PDZD2: variants seen among roughly 807,000 people sequenced by gnomAD.
The protein encoded by PDZD2 is PDZ domain-containing protein 2.
PDZD2 carries 90 observed loss-of-function variants against 220.7 expected under a neutral mutation model. That is an observed-to-expected ratio of 0.41 (90% CI 0.34 to 0.49). The LOEUF is 0.49. Ranked by LOEUF, PDZD2 falls within the 20% of genes least tolerant of loss-of-function variation. The pLI, the probability that PDZD2 is intolerant of heterozygous loss-of-function variation, is 0.28. For missense variants in PDZD2, 3,174 were observed against 3,608.5 expected (o/e 0.88, Z 3.08); for synonymous variants, 1,375 against 1,450.5 (o/e 0.95, Z 1.18).
chr5:31,950,355 C>G (rs188336083), intron 2 of PDZD2, among the ~76,000 whole-genome samples: 3 of 152,314 alleles, frequency 2.0e-5, no homozygotes, highest in African/African-American at 7.2e-5. Context: ...ATGAAAAGCT[C>G]TAACCAATGA....
chr5:31,750,221 A>G (rs16901517), intron 1 of PDZD2, among the ~76,000 whole-genome samples: 34,918 of 151,940 alleles, frequency 0.23, 4,404 homozygotes, highest in African/African-American at 0.32. Flanking sequence ...TCCACTTGAG[A>G]AAGTCCTCAC....
intron 2 of PDZD2, among the ~76,000 whole-genome samples, chr5:31,956,567 AATAAATAAATAAAT>A (rs1353042975): frequency 1.5e-4 from 22 of 147,526 alleles, no homozygotes; most frequent in African/African-American, 3.4e-4. Context: ...AAATAAATAA[AATAAATAAATAAAT>A]ATAAATAAAT....
chr5:31,811,704 C>T (rs561983305), intron 2 of PDZD2, among the ~76,000 whole-genome samples: 68 of 152,172 alleles, frequency 4.5e-4, no homozygotes, highest in African/African-American at 1.6e-3. Flanking sequence ...AATTTTCAAG[C>T]TCTAGCCAGG....
chr5:31,690,730 G>T, intron 1 of PDZD2, among the ~76,000 whole-genome samples: 1 of 152,138 alleles, frequency 6.6e-6, no homozygotes, highest in South Asian at 2.1e-4. Context: ...GGCCCGCCTG[G>T]ATAATCCAGG....
chr5:31,658,502 CTG>C (rs1161977593), intron 1 of PDZD2, among the ~76,000 whole-genome samples: 1 of 152,148 alleles, frequency 6.6e-6, no homozygotes, highest in African/African-American at 2.4e-5. Flanking sequence ...GTTAACCTCT[CTG>C]TGTCTGTGTT....
intron 5 of PDZD2, among the ~76,000 whole-genome samples, chr5:32,008,572 A>T (rs937460383): frequency 1.1e-4 from 17 of 152,286 alleles, no homozygotes; most frequent in African/African-American, 4.1e-4. Flanking sequence ...GGCATGAGCC[A>T]CTGCGCCCAG....
chr5:31,922,815 A>AC (rs1744393521), intron 2 of PDZD2, among the ~76,000 whole-genome samples: 1 of 151,976 alleles, frequency 6.6e-6, no homozygotes, highest in Non-Finnish European at 1.5e-5. Flanking sequence ...AGTAGCTGGG[A>AC]CCGTAGGCAT....
chr5:31,736,582 G>A (rs1348589690), intron 1 of PDZD2, among the ~76,000 whole-genome samples: 1 of 152,222 alleles, frequency 6.6e-6, no homozygotes, highest in Non-Finnish European at 1.5e-5. Context: ...ATACTGAAAA[G>A]TTTAGAGATG....
intron 2 of PDZD2, among the ~76,000 whole-genome samples, chr5:31,975,540 G>A (rs576719687): frequency 1.2e-4 from 19 of 152,190 alleles, no homozygotes; most frequent in Middle Eastern, 3.4e-3. Flanking sequence ...GGAGGGAGGC[G>A]GTGCTCAGCC....
chr5:31,674,228 G>A (rs1397219709), intron 1 of PDZD2, among the ~76,000 whole-genome samples: 1 of 152,204 alleles, frequency 6.6e-6, no homozygotes, highest in Admixed American at 6.5e-5. Context: ...AATACAGTCT[G>A]TGAAAAGACA....
rs1744870644 is a variant in PDZD2 at position 31,639,756 on chromosome 5, G to A, written c.-361+319G>A. Among the ~76,000 whole-genome samples the A allele has an allele frequency of 6.6e-6, 1 of 152,188 alleles. No individual in the cohort carries two copies. ...ACTCAAGACAGGGCCGGGACCTCCT[G>A]CTCGGGCGCGCATCCCGGGTCCCCA... On this transcript the variant is annotated intron_variant, in intron 1 of 24. Transcript: ENST00000438447. This position sits in a 1 kb window ranked among gnomAD's most constrained non-coding sequence, Gnocchi z 4.1.
chr5:32,108,086 C>G lies in PDZD2; in HGVS notation c.8471C>G (p.Pro2824Arg). Residue 2824 changes from proline to arginine, a missense_variant, in exon 25 of 25, where the codon CCA (proline) becomes CGA (arginine). Physicochemically the swap from Pro to Arg is moderately radical, Grantham distance 103. Around this residue, in one of 4 missense-constraint regions of PDZD2, gnomAD observed 631 missense variants for 789.9 expected, o/e 0.80. Coordinates refer to ENST00000438447, the MANE Select transcript of PDZD2 (RefSeq NM_178140.4). ...FDAWNIMKSVPEGPVQLLIRK... is the reference protein window; with the variant it reads ...FDAWNIMKSVREGPVQLLIRK... ...GCCTGGAATATTATGAAGTCTGTCC[C>G]AGAAGGACCTGTGCAGTTATTAATT... The G allele has an allele frequency of 6.2e-7, 1 of 1,611,704 alleles. No individual in the cohort carries two copies. Among genetic ancestry groups the G allele is most frequent in the Non-Finnish European group, 8.5e-7 (1 of 1,177,888 alleles).
At chr5:31,987,315 A>G (rs974913737) in intron 3 of PDZD2, among the ~76,000 whole-genome samples, 8 of 152,182 alleles carry the variant, frequency 5.3e-5, no homozygotes, top group African/African-American at 1.9e-4. Context: ...AGGAATCGTA[A>G]TCTACCCTGT....
chr5:31,680,834 G>A (rs1746622363), intron 1 of PDZD2, among the ~76,000 whole-genome samples: 1 of 152,138 alleles, frequency 6.6e-6, no homozygotes, highest in Admixed American at 6.5e-5. Flanking sequence ...CGGAACCTCT[G>A]CCCAGCCCAG....
chr5:31,705,736 T>C (rs1330363474), intron 1 of PDZD2, among the ~76,000 whole-genome samples: 1 of 152,084 alleles, frequency 6.6e-6, no homozygotes, highest in African/African-American at 2.4e-5. Flanking sequence ...ACAAGAAGAA[T>C]AGGATAGGAA....
intron 1 of PDZD2, among the ~76,000 whole-genome samples, chr5:31,654,758 T>C (rs11748860): frequency 0.088 from 13,336 of 152,210 alleles, 757 homozygotes; most frequent in African/African-American, 0.15. Flanking sequence ...CCAGTTGCTG[T>C]TGTTCCCTTT....
At chr5:32,008,756 A>G (rs1027602833) in intron 5 of PDZD2, among the ~76,000 whole-genome samples, 2 of 152,220 alleles carry the variant, frequency 1.3e-5, no homozygotes, top group Non-Finnish European at 1.5e-5. Context: ...AAGTAGACAC[A>G]CTGCAAGGGG....
chr5:32,079,269 CAAAA>C (rs796887034), intron 19 of PDZD2, among the ~76,000 whole-genome samples: 2 of 82,838 alleles, frequency 2.4e-5, no homozygotes, highest in African/African-American at 1.1e-4. Flanking sequence ...AAAAAAAAAA[CAAAA>C]AAAAAACAAA....
At position 31,689,330 on chromosome 5, in the gene PDZD2, C is replaced by CATATGCATATATATATATATATATAT. The variant is rs1375688425; in HGVS notation, c.-361+49897_-361+49898insGCATATATATATATATATATATATAT. Among the ~76,000 whole-genome samples the CATATGCATATATATATATATATATAT allele has an allele frequency of 1.7e-4, 10 of 58,610 alleles. 1 individual carries two copies. Among genetic ancestry groups the CATATGCATATATATATATATATATAT allele is most frequent in the South Asian group, 5.7e-4 (1 of 1,740 alleles). 38.5% of individuals were successfully genotyped at this position (58,610 alleles called of 152,430 possible). On this transcript the variant is annotated intron_variant, in intron 1 of 24. Coordinates refer to ENST00000438447, the MANE Select transcript of PDZD2 (RefSeq NM_178140.4). ...ATACATACATATACACATATATATA[C>CATATGCATATATATATATATATATAT]ATATACATATATATATATATATATT...
Sources: allele counts gnomAD v4.1 joint callset (sites outside exome capture counted in the v4.1 genomes callset), GRCh38; gene constraint gnomAD v4.1.1; regional missense constraint gnomAD v4.1.1; non-coding constraint Gnocchi (gnomAD v3.1); transcripts MANE v1.5; gene names NCBI Gene and HGNC (gene_info 2026-07-23, HGNC 2026-07-21).